EFR3B: variants seen among roughly 807,000 people sequenced by gnomAD.
EFR3B encodes the protein protein EFR3 homolog B.
A neutral mutation model predicts 104.7 loss-of-function variants in EFR3B; 64 were observed. The observed-to-expected ratio is 0.61, with a 90% CI of 0.50 to 0.75. The LOEUF (loss-of-function observed/expected upper bound fraction) is 0.75. Ranked by LOEUF, EFR3B falls within the 30% of genes least tolerant of loss-of-function variation. The pLI, the probability that EFR3B is intolerant of heterozygous loss-of-function variation, is 0.00. For synonymous variants in EFR3B, 385 were observed against 417.9 expected, an observed-to-expected ratio of 0.92 and a Z score of 0.96; for missense variants, 750 against 1,078.5, an observed-to-expected ratio of 0.70 and a Z score of 4.27.
chr2:25,151,774 C>T (rs1256154530), intron 20 of EFR3B, 140 bp from the exon 21 acceptor site: 5 of 856,326 alleles, frequency 5.8e-6, no homozygotes, highest in Non-Finnish European at 6.9e-6. Flanking sequence ...GTGAGGGCAC[C>T]GCACCTCCAC....
intron 1 of EFR3B, among the ~76,000 whole-genome samples, chr2:25,057,553 G>A (rs1456327933): frequency 6.6e-6 from 1 of 151,916 alleles, no homozygotes; most frequent in Non-Finnish European, 1.5e-5. Flanking sequence ...AGGCTGAGGC[G>A]GGTGGATCAC....
intron 1 of EFR3B, among the ~76,000 whole-genome samples, chr2:25,086,750 A>G (rs1181053573): frequency 6.6e-6 from 1 of 151,880 alleles, no homozygotes; most frequent in Non-Finnish European, 1.5e-5. Flanking sequence ...ACGCCACCAC[A>G]CCTGGCTAAT....
At chr2:25,047,624 G>A (rs548930133) in intron 1 of EFR3B, among the ~76,000 whole-genome samples, 90 of 152,022 alleles carry the variant, frequency 5.9e-4, no homozygotes, top group African/African-American at 1.9e-3. Flanking sequence ...TCAGCCTCCC[G>A]AGTAGCTGGG....
At chr2:25,113,464 C>G (rs1453709822) in intron 4 of EFR3B, among the ~76,000 whole-genome samples, 1 of 152,020 alleles carries the variant, frequency 6.6e-6, no homozygotes, top group Admixed American at 6.6e-5. Context: ...GTCAGCAGAT[C>G]GAGACCATCC....
In EFR3B at chr2:25,128,210, G is replaced by A. The variant is rs1670220000; in HGVS notation, c.513G>A (p.Leu171=). 2 of 1,551,660 alleles carry A rather than the reference G, an allele frequency of 1.3e-6. No homozygotes were observed. Among genetic ancestry groups the A allele is most frequent in the Non-Finnish European group, 1.7e-6 (2 of 1,147,012 alleles). The stretch of plus-strand genomic sequence containing the variant: ...TTCGAATGTCAGGCATCAAAGGCCT[G>A]CAAGGGGTGGTGAGGAAGACGGTGA... ...TKIRMSGIKG[L]QGVVRKTVND... Residue 171 remains leucine (L), a synonymous_variant, in exon 6 of 23, where the codon CTG becomes CTA. Transcript: ENST00000403714.
intron 1 of EFR3B, among the ~76,000 whole-genome samples, chr2:25,067,046 C>T (rs1330497724): frequency 6.6e-6 from 1 of 152,202 alleles, no homozygotes; most frequent in African/African-American, 2.4e-5. Flanking sequence ...GCAATGATGT[C>T]AGTGCTCTGT....
intron 15 of EFR3B, among the ~76,000 whole-genome samples, chr2:25,138,327 C>T (rs757016145): frequency 1.3e-5 from 2 of 152,194 alleles, no homozygotes; most frequent in Non-Finnish European, 2.9e-5. Context: ...GCCTCCTTTG[C>T]GATGCGCAGG....
rs1266299214 is a variant in EFR3B, at chr2:25,133,369, T to C, written c.1260-14T>C. 6.4e-7 allele frequency: 1 copy of C among 1,552,310 alleles called. No individual in the cohort carries two copies. Among genetic ancestry groups the C allele is most frequent in the South Asian group, 1.2e-5 (1 of 84,064 alleles). ...ATTACCATCCTGGTGAGTGTTTGTG[T>C]CTCTGGTCTACAGGGAGAATAGGAA... On this transcript the variant is annotated splice_polypyrimidine_tract_variant and intron_variant, in intron 11 of 22. Coordinates refer to ENST00000403714, the MANE Select transcript of EFR3B (RefSeq NM_014971.2).
chr2:25,056,919 T>C (rs991108810), intron 1 of EFR3B, among the ~76,000 whole-genome samples: 9 of 152,176 alleles, frequency 5.9e-5, no homozygotes, highest in Non-Finnish European at 1.0e-4. Flanking sequence ...CTGATTGCTG[T>C]GTAAATTTGG....
At chr2:25,098,831 ATTTTTTTT>A (rs11416666) in intron 3 of EFR3B, among the ~76,000 whole-genome samples, 1 of 83,812 alleles carries the variant, frequency 1.2e-5, no homozygotes, top group Non-Finnish European at 2.3e-5. Flanking sequence ...TAAGTAGCCA[ATTTTTTTT>A]TTTTTTTTTT....
Position 25,156,328 on chromosome 2 carries a change from C to T in EFR3B, c.*1988C>T, listed in dbSNP as rs1411970701. Reference sequence around the variant, plus strand: ...TTTTTTTTTTTTTGAGACACCGTCTCGCTCTGTCACCCAGGCTGGAGTACA... The same window carrying T: ...TTTTTTTTTTTTTGAGACACCGTCTTGCTCTGTCACCCAGGCTGGAGTACA... On this transcript the variant is annotated 3_prime_UTR_variant, in exon 23 of 23. Transcript: ENST00000403714. 6 of 122,886 alleles carry T rather than the reference C, an allele frequency of 4.9e-5. No individual in the cohort carries two copies. Among genetic ancestry groups the T allele is most frequent in the African/African-American group, 6.6e-5 (2 of 30,494 alleles). 7.6% of individuals were successfully genotyped at this position (122,886 alleles called of 1,614,324 possible). A position where few individuals can be genotyped will look rare whatever the true frequency, so the allele number is the denominator to read the frequency against.
intron 16 of EFR3B, among the ~76,000 whole-genome samples, chr2:25,140,132 G>A (rs1329732247): frequency 2.0e-5 from 3 of 152,090 alleles, no homozygotes; most frequent in African/African-American, 7.2e-5. Flanking sequence ...GGGCAACATG[G>A]TGAACCCCCG....
At chr2:25,124,072 C>A (rs1309778865) in intron 5 of EFR3B, among the ~76,000 whole-genome samples, 1 of 152,158 alleles carries the variant, frequency 6.6e-6, no homozygotes, top group Non-Finnish European at 1.5e-5. Context: ...TCTCTTCCGT[C>A]CCCTCCCTGC....
chr2:25,087,432 T>C (rs574548940), intron 1 of EFR3B, among the ~76,000 whole-genome samples: 17 of 151,948 alleles, frequency 1.1e-4, no homozygotes, highest in Non-Finnish European at 1.6e-4. Context: ...AAATACTTTC[T>C]CCTAGTCTAT....
intron 1 of EFR3B, among the ~76,000 whole-genome samples, chr2:25,054,449 G>A (rs533638670): frequency 1.2e-4 from 19 of 152,026 alleles, no homozygotes; most frequent in African/African-American, 3.4e-4. Flanking sequence ...AGCCTCCCAA[G>A]TAGCTGGGAT....
Position 25,042,407 on chromosome 2 carries a change from C to G in EFR3B, c.7+88C>G. 8.2e-7 allele frequency: 1 copy of G among 1,223,168 alleles called. No individual in the cohort carries two copies. The highest frequency in any genetic ancestry group is 1.0e-6 in the Non-Finnish European group (1 of 981,704). 75.8% of individuals were successfully genotyped at this position (1,223,168 alleles called of 1,614,324 possible). A position where few individuals can be genotyped will look rare whatever the true frequency, so the allele number is the denominator to read the frequency against. On this transcript the variant is annotated intron_variant, in intron 1 of 22. Transcript: ENST00000403714. The surrounding 1 kb of genome is among the most constrained non-coding windows in gnomAD (Gnocchi z 5.4). The stretch of plus-strand genomic sequence containing the variant: ...CGGACCATTGTCCCCCTGCACGGCC[C>G]TGGCGCGGGGCCAGGCCGCTGACCT...
chr2:25,063,339 T>G (rs945857594), intron 1 of EFR3B, among the ~76,000 whole-genome samples: 1 of 152,208 alleles, frequency 6.6e-6, no homozygotes, highest in African/African-American at 2.4e-5. Flanking sequence ...ATGACCTTAT[T>G]ATTCACCTGT....
intron 3 of EFR3B, among the ~76,000 whole-genome samples, chr2:25,100,454 C>G (rs2149189508): frequency 6.6e-6 from 1 of 152,232 alleles, no homozygotes; most frequent in East Asian, 1.9e-4. Flanking sequence ...TCCTGGGCAC[C>G]CCATTAGGCT....
chr2:25,090,585 G>T (rs1016528129), intron 1 of EFR3B, among the ~76,000 whole-genome samples: 21 of 152,142 alleles, frequency 1.4e-4, no homozygotes, highest in African/African-American at 4.6e-4. Context: ...CCTCACTGGG[G>T]GCCAGCATTT....
Sources: allele counts gnomAD v4.1 joint callset (sites outside exome capture counted in the v4.1 genomes callset), GRCh38; gene constraint gnomAD v4.1.1; non-coding constraint Gnocchi (gnomAD v3.1); transcripts MANE v1.5; gene names NCBI Gene and HGNC (gene_info 2026-07-23, HGNC 2026-07-21).